The following UTP14A variants were observed in gnomAD, a reference collection of about 807,000 sequenced individuals.
UTP14A encodes U3 small nucleolar RNA-associated protein 14 homolog A.
In UTP14A, 5 loss-of-function variants were observed where a neutral mutation model predicts 57.2. That is an observed-to-expected ratio of 0.09 (90% confidence interval 0.05 to 0.18). The LOEUF is 0.18. Among genes scored for constraint, UTP14A ranks in the 10% least tolerant of loss-of-function variants. The pLI is 1.00. For missense variants in UTP14A, 430 were observed against 562.1 expected (o/e 0.76, Z 2.38); for synonymous variants, 169 against 210.9 (o/e 0.80, Z 1.72).
intron 6 of UTP14A, among the ~76,000 whole-genome samples, chrX:129,914,882 C>G (rs901985306): frequency 8.9e-6 from 1 of 112,058 alleles, no homozygotes; most frequent in African/African-American, 3.2e-5. Flanking sequence ...TACTGGAGAT[C>G]GGAGAGTCAC....
intron 8 of UTP14A, among the ~76,000 whole-genome samples, chrX:129,919,985 T>G (rs1929844474): frequency 1.8e-5 from 2 of 111,324 alleles, no homozygotes; most frequent in South Asian, 7.5e-4. Flanking sequence ...GGTAAGGAAT[T>G]CAAGACCAGC....
At chrX:129,915,113 G>T (rs1259476647) in intron 6 of UTP14A, among the ~76,000 whole-genome samples, 3 of 112,244 alleles carry the variant, frequency 2.7e-5, no homozygotes, top group Non-Finnish European at 5.6e-5. Context: ...TACTCAAGAG[G>T]CTGAGGCACC....
chrX:129,919,292 G>A lies in UTP14A; in HGVS notation c.655G>A (p.Glu219Lys). ...KASLRAMSLE[E>K]AKMRRAELQR... The stretch of plus-strand genomic sequence containing the variant: ...CTCTCTCCGAGCCATGAGCCTAGAA[G>A]AGGTAAGTGTGTCATAGGCCCTTCA... Residue 219 changes from glutamate to lysine, a missense_variant and splice_region_variant, in exon 7 of 15, where the codon GAG (glutamate) becomes AAG (lysine). Coordinates refer to ENST00000394422, the MANE Select transcript of UTP14A (RefSeq NM_006649.4). The A allele has an allele frequency of 8.3e-7, 1 of 1,211,849 alleles. No individual in the cohort carries two copies. Among genetic ancestry groups the A allele is most frequent in the South Asian group, 1.8e-5 (1 of 56,977 alleles).
chrX:129,929,174 A>T (rs1930224432), intron 14 of UTP14A, among the ~76,000 whole-genome samples, 162 bp from the exon 15 acceptor site: 1 of 111,943 alleles, frequency 8.9e-6, no homozygotes, highest in African/African-American at 3.3e-5. Flanking sequence ...TCCTAAGGGC[A>T]GATGGGAGCA....
rs773178664 is a variant in UTP14A at position 129,908,093 on chromosome X, C to T, written c.136C>T (p.Leu46Phe). 4 of 1,208,889 alleles carry T rather than the reference C, an allele frequency of 3.3e-6. No individual in the cohort carries two copies. The highest frequency in any genetic ancestry group is 4.5e-6 in the Non-Finnish European group (4 of 894,427). ...DNDGERKHQK[L>F]LEAISSLDGK... Reference sequence around the variant, plus strand: ...TGATGGAGAGAGAAAGCATCAAAAGCTTCTGGAAGCAATCAGTTCCCTTGA... The same window carrying T: ...TGATGGAGAGAGAAAGCATCAAAAGTTTCTGGAAGCAATCAGTTCCCTTGA... Residue 46 changes from leucine to phenylalanine, a missense_variant, in exon 3 of 15, where the codon CTT becomes TTT. Physicochemically the swap from Leu to Phe is conservative, Grantham distance 22 (BLOSUM62 0). Around this residue, in one of 4 missense-constraint regions of UTP14A, gnomAD observed 145 missense variants for 153.5 expected, o/e 0.94. Coordinates refer to ENST00000394422, the MANE Select transcript of UTP14A (RefSeq NM_006649.4).
intron 6 of UTP14A, among the ~76,000 whole-genome samples, chrX:129,913,819 A>G (rs978941597): frequency 1.8e-5 from 2 of 110,819 alleles, no homozygotes; most frequent in African/African-American, 6.6e-5. Flanking sequence ...CATCTCTACT[A>G]AAAATACAAA....
At chrX:129,907,289 T>G in intron 1 of UTP14A, 78 bp from the exon 2 acceptor site, 1 of 797,459 alleles carries the variant, frequency 1.3e-6, no homozygotes, top group South Asian at 2.7e-5. Context: ...TCGACTTTTA[T>G]TATAATTAAG....
rs762129885 is a variant in UTP14A, at chrX:129,929,269, CT to C, written c.2044-66del. On this transcript the variant is annotated intron_variant, in intron 14 of 14. Coordinates refer to ENST00000394422, the MANE Select transcript of UTP14A (RefSeq NM_006649.4). The stretch of plus-strand genomic sequence containing the variant: ...GTACCAAAACAGTACCTGATGAAAG[CT>C]GCCATTACAGTATACAACTGCACCC... 1.1e-3 allele frequency: 1,269 copies of C among 1,138,399 alleles called. 2 individuals are homozygous for C. Among genetic ancestry groups the C allele is most frequent in the Non-Finnish European group, 1.4e-3 (1,192 of 848,212 alleles). The allele number at this position is 1,138,399 out of a possible 1,213,427, so 93.8% of individuals were successfully genotyped here.
At chrX:129,914,990 T>A (rs1045274942) in intron 6 of UTP14A, among the ~76,000 whole-genome samples, 7 of 111,621 alleles carry the variant, frequency 6.3e-5, no homozygotes, top group African/African-American at 2.3e-4. Context: ...GGCGGGTGGA[T>A]CACCTGAGGT....
At chrX:129,911,592 G>C (rs1414832597) in intron 5 of UTP14A, among the ~76,000 whole-genome samples, 174 bp from the exon 6 acceptor site, 2 of 111,311 alleles carry the variant, frequency 1.8e-5, no homozygotes, top group Non-Finnish European at 3.8e-5. Context: ...TAATCTAGGA[G>C]AAATTGCAGT....
At chrX:129,928,842 G>C (rs1433983938) in intron 14 of UTP14A, among the ~76,000 whole-genome samples, 1 of 111,643 alleles carries the variant, frequency 9.0e-6, no homozygotes, top group Non-Finnish European at 1.9e-5. Flanking sequence ...AATCCACAGG[G>C]ATACACAATG....
In UTP14A at chrX:129,921,249, T is replaced by C. The variant is rs1294749413; in HGVS notation, c.1010T>C (p.Leu337Pro). ...AAGAACAAAGAACTGACACAGAAAC[T>C]CCAGGTAGCCTCTGAGAGTGAGGAA... The part of the protein sequence containing the change: ...LSKNKELTQK[L>P]QVASESEEEE... Residue 337 changes from leucine to proline, a missense_variant, in exon 11 of 15, where the codon CTC becomes CCC. Leu to Pro is a moderately conservative substitution (Grantham distance 98). Around this residue, in one of 4 missense-constraint regions of UTP14A, gnomAD observed 83 missense variants for 140.4 expected, o/e 0.59. Coordinates refer to ENST00000394422, the MANE Select transcript of UTP14A (RefSeq NM_006649.4). 2 of 1,208,948 alleles carry C rather than the reference T, an allele frequency of 1.7e-6. No homozygotes were observed. Among genetic ancestry groups the C allele is most frequent in the African/African-American group, 1.8e-5 (1 of 56,981 alleles).
At chrX:129,926,856 A>G (rs1930126888) in intron 14 of UTP14A, among the ~76,000 whole-genome samples, 1 of 112,174 alleles carries the variant, frequency 8.9e-6, no homozygotes, top group African/African-American at 3.2e-5. Context: ...GTTCCCTTCA[A>G]TTCTGAGATC....
In UTP14A at chrX:129,916,254, G is replaced by A. The variant is rs752021573; in HGVS notation, c.538-2921G>A. Among the ~76,000 whole-genome samples, 35 of 110,848 alleles carry A rather than the reference G, an allele frequency of 3.2e-4. 1 individual carries two copies. Among genetic ancestry groups the A allele is most frequent in the Middle Eastern group, 9.3e-3 (2 of 215 alleles). ...CAGGAGTGAAAATTTCATAACTTTC[G>A]ACTATCACTCTCAACCCCTTCTTTG... On this transcript the variant is annotated intron_variant, in intron 6 of 14. Transcript: ENST00000394422.
At chrX:129,907,222 G>A (rs772125043) in intron 1 of UTP14A, 145 bp from the exon 2 acceptor site, 20 of 454,594 alleles carry the variant, frequency 4.4e-5, no homozygotes, top group East Asian at 2.0e-4. Flanking sequence ...CAATGTTTTC[G>A]AGATTGTTTT....
At position 129,906,254 on chromosome X, in the gene UTP14A, G is replaced by A. The variant is rs769747207; in HGVS notation, c.26+18G>A. On this transcript the variant is annotated intron_variant, in intron 1 of 14. Transcript: ENST00000394422. Reference sequence around the variant, plus strand: ...GCAGAGAGGTGAAGGGCAACGAGGGGAGGGGGGATTCTGGGTCTCGTTGGG... The same window carrying A: ...GCAGAGAGGTGAAGGGCAACGAGGGAAGGGGGGATTCTGGGTCTCGTTGGG... 61 of 1,196,837 alleles carry A rather than the reference G, an allele frequency of 5.1e-5. No homozygotes were observed. In the South Asian group the frequency reaches 5.7e-4, roughly 11 times the overall value.
At chrX:129,914,434 G>A (rs775106542) in intron 6 of UTP14A, among the ~76,000 whole-genome samples, 4 of 109,636 alleles carry the variant, frequency 3.6e-5, no homozygotes, top group Non-Finnish European at 7.6e-5. Context: ...TAAATTAGCC[G>A]GGCATGGTAG....
rs1416248318 is a variant in UTP14A, at chrX:129,925,916, C to T, written c.1750-3C>T. ...GCTGTAGCTCTCGCTTGTTTCTTCC[C>T]AGGAAGATGAAGAGGAGAGAAACCA... On this transcript the variant is annotated splice_polypyrimidine_tract_variant and splice_region_variant and intron_variant, in intron 12 of 14. Transcript: ENST00000394422. 1 of 1,209,736 alleles carries T rather than the reference C, an allele frequency of 8.3e-7. No individual in the cohort carries two copies. Among genetic ancestry groups the T allele is most frequent in the South Asian group, 1.8e-5 (1 of 56,707 alleles).
intron 6 of UTP14A, among the ~76,000 whole-genome samples, chrX:129,915,998 G>T (rs1426561912): frequency 7.4e-5 from 7 of 94,040 alleles, no homozygotes; most frequent in Non-Finnish European, 1.4e-4. Context: ...CTGTCGCCCA[G>T]GCTGGAGTGC....
Sources: gnomAD v4.1 joint callset for allele counts (sites outside exome capture counted in the v4.1 genomes callset) on GRCh38, gnomAD v4.1.1 for gene constraint, gnomAD v4.1.1 regional missense constraint, MANE v1.5 for transcripts, NCBI Gene and HGNC (gene_info 2026-07-23, HGNC 2026-07-21) for gene names.